The following GRM7 variants were observed in gnomAD, a reference collection of about 807,000 sequenced individuals.
The protein encoded by GRM7 is metabotropic glutamate receptor 7.
A neutral mutation model predicts 84.5 loss-of-function variants in GRM7; 35 were observed. The observed-to-expected ratio is 0.41, with a 90% CI of 0.32 to 0.55. The LOEUF is 0.55. Among genes scored for constraint, GRM7 ranks in the 20% least tolerant of loss-of-function variants. The pLI, the probability that GRM7 is intolerant of heterozygous loss-of-function variation, is 0.19. For synonymous variants in GRM7, 487 were observed against 455.1 expected (o/e 1.07, Z -0.89); for missense variants, 1,003 against 1,194.6 (o/e 0.84, Z 2.36).
chr3:7,222,128 T>TA (rs111957642), intron 2 of GRM7, among the ~76,000 whole-genome samples: 15 of 151,808 alleles, frequency 9.9e-5, no homozygotes, highest in Admixed American at 7.2e-4. Context: ...CTTTAAGTCT[T>TA]AAAAAAAACC....
intron 2 of GRM7, among the ~76,000 whole-genome samples, chr3:7,177,871 C>T (rs1695207248): frequency 1.3e-5 from 2 of 152,206 alleles, no homozygotes; most frequent in South Asian, 4.1e-4. Context: ...AATGAAAATG[C>T]TTTTATAATA....
chr3:7,461,572 G>T lies in GRM7; in HGVS notation c.1376-11G>T, dbSNP rs1233677669. The stretch of plus-strand genomic sequence containing the variant: ...AACTTTAGAATCTTTCATTTTTTCT[G>T]TCTTCCTTAGGTAGTGCTGGCACTC... On this transcript the variant is annotated splice_polypyrimidine_tract_variant and intron_variant, in intron 6 of 9. Transcript: ENST00000357716. The T allele has an allele frequency of 1.2e-6, 2 of 1,605,982 alleles. No homozygotes were observed. The highest frequency in any genetic ancestry group is 1.7e-5 in the Admixed American group (1 of 59,672).
At chr3:7,714,173 A>G (rs934691379) in intron 9 of GRM7, among the ~76,000 whole-genome samples, 1 of 152,220 alleles carries the variant, frequency 6.6e-6, no homozygotes, top group Admixed American at 6.5e-5. Context: ...AAGGCTTGGA[A>G]TTAACCTGAA....
intron 2 of GRM7, among the ~76,000 whole-genome samples, chr3:7,273,741 A>C (rs1029206983): frequency 6.6e-6 from 1 of 151,852 alleles, no homozygotes; most frequent in Non-Finnish European, 1.5e-5. Context: ...ACGAGTCTTT[A>C]AAGTGGGTTT....
At chr3:6,917,657 G>A (rs1353416022) in intron 1 of GRM7, among the ~76,000 whole-genome samples, 2 of 152,020 alleles carry the variant, frequency 1.3e-5, no homozygotes, top group Non-Finnish European at 2.9e-5. Flanking sequence ...AGTTCCCAAA[G>A]ACAATCTTTC....
intron 8 of GRM7, among the ~76,000 whole-genome samples, chr3:7,674,296 A>G (rs1476920468): frequency 2.6e-5 from 4 of 151,850 alleles, no homozygotes; most frequent in African/African-American, 7.3e-5. Flanking sequence ...GATTCAAGCA[A>G]TTCTCCTGCC....
At chr3:7,594,943 T>A (rs1695968092) in intron 8 of GRM7, among the ~76,000 whole-genome samples, 1 of 151,508 alleles carries the variant, frequency 6.6e-6, no homozygotes, top group African/African-American at 2.4e-5. Context: ...CCTTTCTGTG[T>A]GTGTGTGTGT....
chr3:7,238,702 C>T (rs1195416339), intron 2 of GRM7, among the ~76,000 whole-genome samples: 1 of 152,102 alleles, frequency 6.6e-6, no homozygotes, highest in African/African-American at 2.4e-5. Context: ...CCTGACCCTT[C>T]ACAACACACA....
intron 1 of GRM7, among the ~76,000 whole-genome samples, chr3:7,032,159 T>C (rs1210129582): frequency 6.6e-6 from 1 of 152,226 alleles, no homozygotes; most frequent in African/African-American, 2.4e-5. Context: ...CATGCTCTTA[T>C]ACTTTAAGTG....
At chr3:7,720,110 CATCTT>C (rs1559504867) in intron 9 of GRM7, among the ~76,000 whole-genome samples, 1 of 152,076 alleles carries the variant, frequency 6.6e-6, no homozygotes, top group African/African-American at 2.4e-5. Context: ...TCATTTTCCT[CATCTT>C]ATAGACAGTT....
chr3:7,534,012 CTTT>C (rs3034006), intron 7 of GRM7, among the ~76,000 whole-genome samples: 1,986 of 111,608 alleles, frequency 0.018, 24 homozygotes, highest in African/African-American at 0.051. Flanking sequence ...GGGCTGAATA[CTTT>C]TTTTTTTTTT....
At chr3:7,045,175 G>A (rs932643871) in intron 1 of GRM7, among the ~76,000 whole-genome samples, 9 of 152,098 alleles carry the variant, frequency 5.9e-5, no homozygotes, top group South Asian at 4.1e-4. Flanking sequence ...TAGTATCAGC[G>A]GTAATAAATT....
At chr3:7,163,136 C>G (rs1211152277) in intron 2 of GRM7, among the ~76,000 whole-genome samples, 3 of 152,106 alleles carry the variant, frequency 2.0e-5, no homozygotes, top group Admixed American at 6.5e-5. Flanking sequence ...TTGCTCTGGA[C>G]TATATCAGAC....
chr3:7,366,226 A>C (rs961781057), intron 4 of GRM7, among the ~76,000 whole-genome samples: 2 of 151,808 alleles, frequency 1.3e-5, no homozygotes, highest in African/African-American at 2.4e-5. Context: ...GGATTCTACT[A>C]TCTTCTGTAA....
chr3:7,198,083 T>C (rs1263723321), intron 2 of GRM7, among the ~76,000 whole-genome samples: 1 of 151,950 alleles, frequency 6.6e-6, no homozygotes, highest in Admixed American at 6.6e-5. Context: ...GTTTTAATCG[T>C]TTTAATCAAA....
At chr3:7,331,763 G>A (rs964358584) in intron 4 of GRM7, among the ~76,000 whole-genome samples, 2 of 152,122 alleles carry the variant, frequency 1.3e-5, no homozygotes, top group East Asian at 1.9e-4. Context: ...TTTCTGCGGA[G>A]CCTCAATTTC....
At chr3:7,163,481 A>C (rs546551935) in intron 2 of GRM7, among the ~76,000 whole-genome samples, 1 of 152,266 alleles carries the variant, frequency 6.6e-6, no homozygotes, top group African/African-American at 2.4e-5. Context: ...GTGAGTGCCT[A>C]CTCTGTCCTC....
rs185775770 is a variant in GRM7, at chr3:7,050,050, C to T, written c.520-96402C>T. 1.0e-3 allele frequency among the ~76,000 whole-genome samples: 155 copies of T among 151,878 alleles called. 2 individuals carry two copies. Among genetic ancestry groups the T allele is most frequent in the Admixed American group, 7.6e-3 (115 of 15,182 alleles). ...ATATTTGAGAACAGAAAATATCACTCCTGTTGCTGGGTAGTAATGAATGGA... is the reference window on the plus strand; with the variant it reads ...ATATTTGAGAACAGAAAATATCACTTCTGTTGCTGGGTAGTAATGAATGGA... On this transcript the variant is annotated intron_variant, in intron 1 of 9. Transcript: ENST00000357716.
intron 5 of GRM7, among the ~76,000 whole-genome samples, chr3:7,433,742 T>C (rs1696928149): frequency 6.6e-6 from 1 of 152,200 alleles, no homozygotes; most frequent in African/African-American, 2.4e-5. Flanking sequence ...CTAAAATATA[T>C]TCCCTAAGGA....
Sources: gnomAD v4.1 joint callset for allele counts (sites outside exome capture counted in the v4.1 genomes callset) on GRCh38, gnomAD v4.1.1 for gene constraint, MANE v1.5 for transcripts, NCBI Gene and HGNC (gene_info 2026-07-23, HGNC 2026-07-21) for gene names.